The following ZCCHC7 variants were observed in gnomAD, a reference collection of about 807,000 sequenced individuals.
ZCCHC7 encodes zinc finger CCHC domain-containing protein 7.
In ZCCHC7, 35 loss-of-function variants were observed where a neutral mutation model predicts 52.0. The observed-to-expected ratio is 0.67, with a 90% CI of 0.51 to 0.89. The LOEUF (loss-of-function observed/expected upper bound fraction) is 0.89. Among genes scored for constraint, ZCCHC7 ranks in the 40% least tolerant of loss-of-function variants. The pLI, the probability that ZCCHC7 is intolerant of heterozygous loss-of-function variation, is 0.00. For missense variants in ZCCHC7, 574 were observed against 649.1 expected, an observed-to-expected ratio of 0.88 and a Z score of 1.26; for synonymous variants, 217 against 221.5, an observed-to-expected ratio of 0.98 and a Z score of 0.18.
intron 2 of ZCCHC7, among the ~76,000 whole-genome samples, chr9:37,248,320 G>T (rs1826169517): frequency 6.6e-6 from 1 of 152,216 alleles, no homozygotes; most frequent in South Asian, 2.1e-4. Context: ...ATACCACCCT[G>T]CTTCTAGATG....
At chr9:37,216,421 T>C (rs551004109) in intron 2 of ZCCHC7, among the ~76,000 whole-genome samples, 4 of 152,346 alleles carry the variant, frequency 2.6e-5, no homozygotes, top group African/African-American at 7.2e-5. Flanking sequence ...ACGCCTGTAA[T>C]CCTAGCACTT....
At chr9:37,153,129 T>G (rs955756143) in intron 2 of ZCCHC7, among the ~76,000 whole-genome samples, 15 of 152,180 alleles carry the variant, frequency 9.9e-5, no homozygotes, top group African/African-American at 3.6e-4. Flanking sequence ...TAATTTTATT[T>G]TTTAAAATTT....
chr9:37,274,618 C>T (rs1468790037), intron 2 of ZCCHC7, among the ~76,000 whole-genome samples: 9 of 151,956 alleles, frequency 5.9e-5, no homozygotes, highest in Admixed American at 5.9e-4. Context: ...GGATTACAGG[C>T]ATGAGCCACC....
At chr9:37,163,272 C>T (rs906191107) in intron 2 of ZCCHC7, among the ~76,000 whole-genome samples, 1 of 151,302 alleles carries the variant, frequency 6.6e-6, no homozygotes, top group Non-Finnish European at 1.5e-5. Context: ...CCTATAATCC[C>T]AGCTACTTGG....
At chr9:37,193,230 CTT>C (rs927976741) in intron 2 of ZCCHC7, among the ~76,000 whole-genome samples, 1 of 152,032 alleles carries the variant, frequency 6.6e-6, no homozygotes, top group Non-Finnish European at 1.5e-5. Context: ...AAATCAATAA[CTT>C]TAACATTTTA....
intron 1 of ZCCHC7, among the ~76,000 whole-genome samples, chr9:37,125,492 A>G (rs989772063): frequency 1.3e-5 from 2 of 152,226 alleles, no homozygotes; most frequent in Non-Finnish European, 2.9e-5. Flanking sequence ...CAATGATCAG[A>G]GGGCCGTGCG....
At chr9:37,321,162 G>A (rs1193799800) in intron 5 of ZCCHC7, among the ~76,000 whole-genome samples, 2 of 151,442 alleles carry the variant, frequency 1.3e-5, no homozygotes, top group African/African-American at 4.9e-5. Context: ...CTAATTTTTT[G>A]TATTTTTAGT....
At chr9:37,187,311 C>G (rs1312089518) in intron 2 of ZCCHC7, among the ~76,000 whole-genome samples, 2 of 152,204 alleles carry the variant, frequency 1.3e-5, no homozygotes, top group Admixed American at 1.3e-4. Flanking sequence ...ACTGTTCCAC[C>G]TCAGATCATC....
chr9:37,187,258 A>G (rs1179089516), intron 2 of ZCCHC7, among the ~76,000 whole-genome samples: 1 of 152,166 alleles, frequency 6.6e-6, no homozygotes, highest in Non-Finnish European at 1.5e-5. Context: ...CATGGAAGAA[A>G]ATTTTTCCAT....
At chr9:37,139,097 A>G (rs937995578) in intron 2 of ZCCHC7, among the ~76,000 whole-genome samples, 5 of 152,034 alleles carry the variant, frequency 3.3e-5, no homozygotes, top group Non-Finnish European at 7.4e-5. Context: ...TTAATTTCAA[A>G]GTAATAATCT....
At chr9:37,351,201 A>G (rs529426900) in intron 7 of ZCCHC7, among the ~76,000 whole-genome samples, 1 of 152,314 alleles carries the variant, frequency 6.6e-6, no homozygotes, top group South Asian at 2.1e-4. Context: ...TCTGAGCCTC[A>G]GTTGCAGTTT....
chr9:37,243,668 G>C (rs1263795743), intron 2 of ZCCHC7, among the ~76,000 whole-genome samples: 1 of 151,898 alleles, frequency 6.6e-6, no homozygotes, highest in Non-Finnish European at 1.5e-5. Context: ...TGTGGACTAT[G>C]CTAGAGGAGT....
intron 2 of ZCCHC7, among the ~76,000 whole-genome samples, chr9:37,210,147 C>G (rs1158641413): frequency 2.0e-5 from 3 of 152,100 alleles, no homozygotes; most frequent in Non-Finnish European, 4.4e-5. Flanking sequence ...GTGGCTGGCT[C>G]TCATCTCCCT....
At chr9:37,177,800 G>A (rs767299914) in intron 2 of ZCCHC7, among the ~76,000 whole-genome samples, 4 of 151,884 alleles carry the variant, frequency 2.6e-5, no homozygotes, top group Non-Finnish European at 5.9e-5. Context: ...CCCAATTTGG[G>A]ACATTCTGTA....
chr9:37,137,583 C>T (rs997817226), intron 2 of ZCCHC7, among the ~76,000 whole-genome samples: 18 of 152,046 alleles, frequency 1.2e-4, no homozygotes, highest in African/African-American at 4.1e-4. Flanking sequence ...TTGCTTTCTC[C>T]CTGTTTTTTG....
intron 2 of ZCCHC7, among the ~76,000 whole-genome samples, chr9:37,178,367 T>C (rs1213371765): frequency 2.0e-4 from 19 of 95,000 alleles, no homozygotes; most frequent in Admixed American, 6.4e-4. Context: ...ACCTCCCCTC[T>C]CAAACCCATT....
At chr9:37,254,474 A>C (rs1051300786) in intron 2 of ZCCHC7, among the ~76,000 whole-genome samples, 1 of 151,710 alleles carries the variant, frequency 6.6e-6, no homozygotes, top group Non-Finnish European at 1.5e-5. Context: ...GACTCCCACA[A>C]AAAAAAAGAT....
intron 5 of ZCCHC7, among the ~76,000 whole-genome samples, chr9:37,318,228 G>T (rs540408031): frequency 6.6e-6 from 1 of 151,744 alleles, no homozygotes; most frequent in African/African-American, 2.4e-5. Flanking sequence ...ATAAAAGGCC[G>T]GGCGCAGTGG....
rs529881909 is a variant in ZCCHC7, at chr9:37,200,023, G to A, written c.610+73081G>A. On this transcript the variant is annotated intron_variant, in intron 2 of 8. Coordinates refer to ENST00000336755, the MANE Select transcript of ZCCHC7 (RefSeq NM_032226.3). ...GCCAGGACTGTTTCTTTTTCTTACC[G>A]CGCTCTGCTCCCATTTTTGCCTTCC... is the stretch of plus-strand genomic sequence containing the variant. Among the ~76,000 whole-genome samples, 8 of 152,068 alleles carry A rather than the reference G, an allele frequency of 5.3e-5. No individual in the cohort carries two copies. In the South Asian group the frequency reaches 6.2e-4, roughly 12 times the overall value.
Sources: allele counts gnomAD v4.1 joint callset (sites outside exome capture counted in the v4.1 genomes callset), GRCh38; gene constraint gnomAD v4.1.1; transcripts MANE v1.5; gene names NCBI Gene and HGNC (gene_info 2026-07-23, HGNC 2026-07-21).